The following EPHB2 variants were observed in gnomAD, a reference collection of about 807,000 sequenced individuals.
EPHB2 encodes the protein EPH receptor B2.
EPHB2 carries 18 observed loss-of-function variants against 96.4 expected under a neutral mutation model. That is an observed-to-expected ratio of 0.19 (90% CI 0.13 to 0.28). The LOEUF (loss-of-function observed/expected upper bound fraction) is 0.28, where lower values mean the gene tolerates loss of function less well. Ranked by LOEUF, EPHB2 falls within the 10% of genes least tolerant of loss-of-function variation. The pLI is 1.00. For missense variants in EPHB2, 989 were observed against 1,355.4 expected (o/e 0.73, Z 4.25); for synonymous variants, 506 against 534.1 (o/e 0.95, Z 0.72).
At chr1:22,911,510 G>A (rs531455018) in intron 14 of EPHB2, among the ~76,000 whole-genome samples, 1 of 152,166 alleles carries the variant, frequency 6.6e-6, no homozygotes, top group Non-Finnish European at 1.5e-5. Flanking sequence ...TGAGAGACGG[G>A]CTCAGCCTGA....
intron 3 of EPHB2, among the ~76,000 whole-genome samples, chr1:22,830,932 A>T (rs1489564054): frequency 6.6e-6 from 1 of 152,198 alleles, no homozygotes; most frequent in Non-Finnish European, 1.5e-5. Flanking sequence ...TACAGGTAGG[A>T]AAACAGAGGC....
intron 1 of EPHB2, among the ~76,000 whole-genome samples, chr1:22,734,030 G>A (rs924954159): frequency 4.6e-5 from 7 of 152,194 alleles, no homozygotes; most frequent in South Asian, 2.1e-4. Flanking sequence ...CCCAGAGGCC[G>A]CAGGAGTGGC....
At chr1:22,750,455 G>A (rs1184629577) in intron 1 of EPHB2, among the ~76,000 whole-genome samples, 1 of 152,130 alleles carries the variant, frequency 6.6e-6, no homozygotes, top group African/African-American at 2.4e-5. Context: ...AGTGTCAGAC[G>A]GAGCAGGCTC....
chr1:22,814,336 G>A (rs1425001981), intron 3 of EPHB2, among the ~76,000 whole-genome samples: 2 of 152,168 alleles, frequency 1.3e-5, no homozygotes, highest in Non-Finnish European at 2.9e-5. Context: ...CAACGAAGAG[G>A]CCATTGCAGC....
At chr1:22,748,990 G>A (rs1444142598) in intron 1 of EPHB2, among the ~76,000 whole-genome samples, 3 of 149,954 alleles carry the variant, frequency 2.0e-5, no homozygotes, top group African/African-American at 4.9e-5. Context: ...GGTCATCGGC[G>A]CCTGTCCCAT....
At chr1:22,800,129 G>A (rs4655095) in intron 3 of EPHB2, 108,461 of 152,310 alleles carry the variant, frequency 0.71, 39,649 homozygotes, top group Middle Eastern at 0.83. Context: ...CCGGAGACCC[G>A]GGAGGGATGT....
At chr1:22,841,581 G>T (rs1645469919) in intron 3 of EPHB2, among the ~76,000 whole-genome samples, 2 of 152,212 alleles carry the variant, frequency 1.3e-5, no homozygotes, top group African/African-American at 4.8e-5. Flanking sequence ...GGCTGTGGGG[G>T]TGGAAGGCAT....
At chr1:22,841,195 A>G (rs976174956) in intron 3 of EPHB2, among the ~76,000 whole-genome samples, 11 of 152,242 alleles carry the variant, frequency 7.2e-5, no homozygotes, top group Admixed American at 2.6e-4. Context: ...TTAGTAGACG[A>G]ATGGCAGCAG....
At chr1:22,834,667 G>A (rs1287539979) in intron 3 of EPHB2, among the ~76,000 whole-genome samples, 3 of 152,154 alleles carry the variant, frequency 2.0e-5, no homozygotes, top group Non-Finnish European at 4.4e-5. Flanking sequence ...GCTCATGCCT[G>A]TAATTCCAGC....
intron 1 of EPHB2, among the ~76,000 whole-genome samples, chr1:22,761,966 AG>A (rs935420020): frequency 6.6e-6 from 1 of 152,228 alleles, no homozygotes; most frequent in Non-Finnish European, 1.5e-5. Flanking sequence ...AGTGTGTGTG[AG>A]GGGGCAGCAA....
At chr1:22,759,920 C>T (rs1380243131) in intron 1 of EPHB2, among the ~76,000 whole-genome samples, 4 of 152,110 alleles carry the variant, frequency 2.6e-5, no homozygotes, top group Non-Finnish European at 4.4e-5. Context: ...TCAGGGGAGG[C>T]GAGTGGAGAG....
intron 13 of EPHB2, 116 bp downstream of exon 13, chr1:22,909,287 C>A: frequency 6.6e-7 from 1 of 1,525,314 alleles, no homozygotes; most frequent in Non-Finnish European, 9.0e-7. Context: ...CTTCTGAGAT[C>A]ATGGGCCTGG....
At chr1:22,803,888 T>C (rs1644886169) in intron 3 of EPHB2, among the ~76,000 whole-genome samples, 1 of 148,736 alleles carries the variant, frequency 6.7e-6, no homozygotes, top group African/African-American at 2.5e-5. Flanking sequence ...CACTCCAGCC[T>C]GGGCAACAGA....
chr1:22,911,960 G>T (rs1640117419), intron 14 of EPHB2, among the ~76,000 whole-genome samples: 1 of 152,156 alleles, frequency 6.6e-6, no homozygotes, highest in Non-Finnish European at 1.5e-5. Flanking sequence ...AGCCTTAGCT[G>T]GGCTTTGGAG....
At chr1:22,743,141 C>T (rs920788436) in intron 1 of EPHB2, among the ~76,000 whole-genome samples, 30 of 152,196 alleles carry the variant, frequency 2.0e-4, no homozygotes, top group African/African-American at 6.3e-4. Flanking sequence ...GTCCTTCAAC[C>T]TCAGCCTCCT....
At chr1:22,771,752 T>C (rs962565639) in intron 1 of EPHB2, among the ~76,000 whole-genome samples, 3 of 152,222 alleles carry the variant, frequency 2.0e-5, no homozygotes, top group Admixed American at 2.0e-4. Flanking sequence ...ATGATACTTC[T>C]TTACCTGCTG....
chr1:22,853,038 G>T (rs1645645960), intron 3 of EPHB2, among the ~76,000 whole-genome samples: 1 of 152,258 alleles, frequency 6.6e-6, no homozygotes, highest in Admixed American at 6.5e-5. Context: ...CACACAAGTT[G>T]AATGAGCTTA....
At chr1:22,854,784 T>G (rs531343585) in intron 3 of EPHB2, among the ~76,000 whole-genome samples, 3 of 152,318 alleles carry the variant, frequency 2.0e-5, no homozygotes, top group Non-Finnish European at 4.4e-5. Flanking sequence ...AGTGCAGCTT[T>G]GCCCACAGTA....
intron 1 of EPHB2, among the ~76,000 whole-genome samples, chr1:22,751,036 T>G (rs909233717): frequency 6.6e-6 from 1 of 152,250 alleles, no homozygotes; most frequent in African/African-American, 2.4e-5. Flanking sequence ...GATGAATTTA[T>G]TTCCATGAAA....
Sources: allele counts gnomAD v4.1 joint callset (sites outside exome capture counted in the v4.1 genomes callset), GRCh38; gene constraint gnomAD v4.1.1; transcripts MANE v1.5; gene names NCBI Gene and HGNC (gene_info 2026-07-23, HGNC 2026-07-21).